SCN9A: variants seen among roughly 807,000 people sequenced by gnomAD.
SCN9A encodes the protein sodium voltage-gated channel alpha subunit 9.
A neutral mutation model predicts 187.0 loss-of-function variants in SCN9A; 131 were observed. The observed-to-expected ratio is 0.70, with a 90% CI of 0.61 to 0.81. The LOEUF (loss-of-function observed/expected upper bound fraction) is 0.81. SCN9A is among the 30% of genes least tolerant of loss of function. SCN9A has a pLI of 0.00. For synonymous variants in SCN9A, 809 were observed against 808.6 expected, an observed-to-expected ratio of 1.00 and a Z score of -0.01; for missense variants, 2,252 against 2,396.6, an observed-to-expected ratio of 0.94 and a Z score of 1.26.
chr2:166,328,925 T>C (rs1289197335), intron 1 of SCN9A, among the ~76,000 whole-genome samples: 1 of 152,150 alleles, frequency 6.6e-6, no homozygotes, highest in African/African-American at 2.4e-5. Context: ...GTGATTTAAT[T>C]GGTAAAGTAA....
intron 2 of SCN9A, among the ~76,000 whole-genome samples, chr2:166,309,548 G>A (rs1249329663): frequency 2.0e-5 from 3 of 152,256 alleles, no homozygotes; most frequent in Admixed American, 6.5e-5. Flanking sequence ...TACAAGGGAT[G>A]TGAAGGACCT....
chr2:166,303,381 G>A, intron 6 of SCN9A, 79 bp from the exon 7 acceptor site: 3 of 1,150,826 alleles, frequency 2.6e-6, no homozygotes, highest in African/African-American at 3.1e-5. Context: ...TTCCTAGAAA[G>A]TCATGCATTA....
At chr2:166,331,221 G>GT (rs1366218021) in intron 1 of SCN9A, among the ~76,000 whole-genome samples, 1 of 151,696 alleles carries the variant, frequency 6.6e-6, no homozygotes, top group Admixed American at 6.6e-5. Context: ...CCTTTACTTT[G>GT]TATCAATTTT....
At chr2:166,261,902 G>A (rs751969500) in intron 17 of SCN9A, among the ~76,000 whole-genome samples, 3 of 151,842 alleles carry the variant, frequency 2.0e-5, no homozygotes, top group African/African-American at 7.2e-5. Context: ...GAACACAAAG[G>A]TTCAAAGAGA....
At chr2:166,353,108 A>T (rs1392039235) in intron 1 of SCN9A, among the ~76,000 whole-genome samples, 1 of 151,304 alleles carries the variant, frequency 6.6e-6, no homozygotes, top group Non-Finnish European at 1.5e-5. Context: ...TAATCCCAGC[A>T]CTTTGGGAGG....
chr2:166,293,466 T>C (rs561994385), intron 8 of SCN9A, 94 bp from the exon 9 acceptor site: 11 of 1,065,414 alleles, frequency 1.0e-5, no homozygotes, highest in African/African-American at 6.4e-5. Flanking sequence ...GTTTCTTCTA[T>C]AGGGGGACAA....
rs552924175 is a variant in SCN9A at position 166,228,550 on chromosome 2, C to T, written c.4206+141G>A. 3.3e-4 allele frequency: 273 copies of T among 834,196 alleles called. No homozygotes were observed. The South Asian group carries it at 5.2e-3, about 16-fold the overall frequency. The allele number at this position is 834,196 out of a possible 1,614,324, so 51.7% of individuals were successfully genotyped here. A position where few individuals can be genotyped will look rare whatever the true frequency, so the allele number is the denominator to read the frequency against. On this transcript the variant is annotated intron_variant, in intron 22 of 26. Transcript: ENST00000642356. ...GAGACTACAGGCATGAGCCACTGCGCCCGGCCAAGACTGGCACTGTTTTAA... is the reference window on the plus strand; with the variant it reads ...GAGACTACAGGCATGAGCCACTGCGTCCGGCCAAGACTGGCACTGTTTTAA...
intron 3 of SCN9A, 82 bp from the exon 4 acceptor site, chr2:166,306,681 CT>C (rs1234442711): frequency 8.9e-5 from 91 of 1,022,406 alleles, no homozygotes; most frequent in Non-Finnish European, 1.2e-5. Context: ...ATGCTTACAA[CT>C]TTTCCTAAGA....
intron 7 of SCN9A, among the ~76,000 whole-genome samples, chr2:166,299,283 C>A (rs911809990): frequency 6.8e-6 from 1 of 147,736 alleles, no homozygotes; most frequent in South Asian, 2.1e-4. Flanking sequence ...GAATTGTCTA[C>A]ACATATTACC....
intron 17 of SCN9A, among the ~76,000 whole-genome samples, chr2:166,253,621 A>T (rs982925754): frequency 1.3e-5 from 2 of 151,794 alleles, no homozygotes; most frequent in Non-Finnish European, 2.9e-5. Flanking sequence ...ATTGCCACAA[A>T]ATCCAAAGTA....
At chr2:166,367,349 A>G (rs1026833581) in intron 1 of SCN9A, among the ~76,000 whole-genome samples, 3 of 152,068 alleles carry the variant, frequency 2.0e-5, no homozygotes, top group Admixed American at 6.6e-5. Flanking sequence ...TGCAACCTCC[A>G]TCTCCCAGGT....
At chr2:166,241,953 A>G (rs1695583343) in intron 19 of SCN9A, among the ~76,000 whole-genome samples, 1 of 152,102 alleles carries the variant, frequency 6.6e-6, no homozygotes, top group Non-Finnish European at 1.5e-5. Flanking sequence ...CAAGAATTAT[A>G]ATTCTCTGCA....
chr2:166,233,203 A>ATGTGTATATGTATATG (rs1558969557), intron 21 of SCN9A, 137 bp downstream of exon 21: 1 of 472,014 alleles, frequency 2.1e-6, no homozygotes, highest in African/African-American at 2.1e-5. Context: ...GTATATATGT[A>ATGTGTATATGTATATG]TATGTACACA....
intron 19 of SCN9A, among the ~76,000 whole-genome samples, chr2:166,241,761 T>G (rs745577559): frequency 1.5e-4 from 23 of 152,162 alleles, no homozygotes; most frequent in Non-Finnish European, 2.9e-4. Context: ...AGTTACTCAT[T>G]TGTATTCTTC....
intron 24 of SCN9A, among the ~76,000 whole-genome samples, chr2:166,220,945 T>A (rs1020292051): frequency 6.6e-6 from 1 of 152,056 alleles, no homozygotes; most frequent in Non-Finnish European, 1.5e-5. Context: ...TTAGAACTAA[T>A]AAACAAATTT....
chr2:166,240,043 G>C (rs564975445), intron 19 of SCN9A, among the ~76,000 whole-genome samples: 23 of 152,308 alleles, frequency 1.5e-4, no homozygotes, highest in Admixed American at 1.2e-3. Context: ...CCACAACACA[G>C]TGAAAAGATA....
chr2:166,355,482 C>G (rs1700130210), intron 1 of SCN9A, among the ~76,000 whole-genome samples: 1 of 151,622 alleles, frequency 6.6e-6, no homozygotes, highest in Non-Finnish European at 1.5e-5. Context: ...TTGAAATATT[C>G]ATTATTTTCT....
chr2:166,297,122 G>A (rs1226417514), intron 7 of SCN9A, among the ~76,000 whole-genome samples: 17 of 145,142 alleles, frequency 1.2e-4, no homozygotes, highest in South Asian at 2.2e-4. Context: ...GTGTGAACCC[G>A]GGAGGCGGAG....
intron 1 of SCN9A, among the ~76,000 whole-genome samples, chr2:166,352,600 A>G (rs1700057568): frequency 6.6e-6 from 1 of 152,242 alleles, no homozygotes; most frequent in Non-Finnish European, 1.5e-5. Context: ...CACCTTCATT[A>G]GACTCTTAAT....
Sources: gnomAD v4.1 joint callset for allele counts (sites outside exome capture counted in the v4.1 genomes callset) on GRCh38, gnomAD v4.1.1 for gene constraint, MANE v1.5 for transcripts, NCBI Gene and HGNC (gene_info 2026-07-23, HGNC 2026-07-21) for gene names.